Variants in SYNE2 observed in about 807,000 individuals in gnomAD.
SYNE2 encodes nesprin-2.
Under a neutral mutation model 856.3 loss-of-function variants are expected in SYNE2, and 431 were observed. The observed-to-expected ratio is 0.50, with a 90% confidence interval of 0.47 to 0.55. SYNE2 has a LOEUF of 0.55. Ranked by LOEUF, SYNE2 falls within the 20% of genes least tolerant of loss-of-function variation. SYNE2 has a pLI of 0.00. For missense variants in SYNE2, 8,129 were observed against 8,023.2 expected (o/e 1.01, Z -0.50); for synonymous variants, 2,923 against 2,872.3 (o/e 1.02, Z -0.56).
In SYNE2 at chr14:64,098,030, G is replaced by A. The variant is rs144164967; in HGVS notation, c.12190G>A (p.Val4064Ile). The change falls in exon 62 of 116, where the codon GTA becomes ATA. Residue 4064 changes from valine (V) to isoleucine (I), a missense_variant. Transcript: ENST00000555002. Reference protein sequence around the residue: ...EDLLVDLKATVLNLHQHLKQE... With the variant: ...EDLLVDLKATILNLHQHLKQE... ...CCTGTTGGTGGACTTGAAGGCCACCGTACTAAACCTTCACCAGCATTTGAA... is the reference window on the plus strand; with the variant it reads ...CCTGTTGGTGGACTTGAAGGCCACCATACTAAACCTTCACCAGCATTTGAA... 452 of 1,614,072 alleles carry A rather than the reference G, an allele frequency of 2.8e-4. 2 individuals carry two copies. The Admixed American group carries it at 3.3e-3, about 12-fold the overall frequency.
At chr14:63,975,667 A>G (rs78441070) in intron 11 of SYNE2, among the ~76,000 whole-genome samples, 2,976 of 152,178 alleles carry the variant, frequency 0.02, 92 homozygotes, top group African/African-American at 0.067. Context: ...TACCCTTCAG[A>G]TTATATGTTG....
At chr14:64,133,967 G>T in intron 77 of SYNE2, 102 bp from the exon 78 acceptor site, 1 of 1,391,182 alleles carries the variant, frequency 7.2e-7, no homozygotes, top group Non-Finnish European at 1.0e-6. Flanking sequence ...CTTTAATTTT[G>T]TATGGTCTTG....
chr14:64,132,265 GT>G lies in SYNE2; in HGVS notation c.14348del (p.Phe4783SerfsTer10). The G allele has an allele frequency of 1.2e-6, 2 of 1,613,100 alleles. No individual in the cohort carries two copies. Among genetic ancestry groups the G allele is most frequent in the South Asian group, 1.1e-5 (1 of 91,024 alleles). ...TATTAAAACTTTCTCCATCTCATAGGTTTTTTTCCAGAAGCTTGTTGCTGAC... is the reference window on the plus strand; with the variant it reads ...TATTAAAACTTTCTCCATCTCATAGGTTTTTTCCAGAAGCTTGTTGCTGAC... The part of the protein sequence containing the change: ...ALQAQIENHK[V>X]FFQKLVADML... On this transcript the variant is annotated frameshift_variant and splice_region_variant, in exon 77 of 116. Coordinates refer to ENST00000555002, the MANE Select transcript of SYNE2 (RefSeq NM_182914.3). LOFTEE classifies it high-confidence loss of function.
rs1203377020 is a variant in SYNE2, at chr14:64,215,360, C to T, written c.19402+6C>T. On this transcript the variant is annotated splice_donor_region_variant and intron_variant, in intron 107 of 115. Coordinates refer to ENST00000555002, the MANE Select transcript of SYNE2 (RefSeq NM_182914.3). ...AACTTTGAAAGCGTCTTCTGGTAGG[C>T]CCCCGCCCATGCATGTGTCAACATG... 2.5e-6 allele frequency: 4 copies of T among 1,613,706 alleles called. No homozygotes were observed. The highest frequency in any genetic ancestry group is 3.4e-6 in the Non-Finnish European group (4 of 1,179,886).
Position 64,021,473 on chromosome 14 carries a change from C to T in SYNE2, c.5310C>T (p.Ala1770=), listed in dbSNP as rs1245306266. The T allele has an allele frequency of 1.2e-6, 2 of 1,613,648 alleles. No homozygotes were observed. Among genetic ancestry groups the T allele is most frequent in the South Asian group, 1.1e-5 (1 of 91,050 alleles). The change falls in exon 36 of 116, where the codon GCC becomes GCT. Residue 1770 remains alanine, a synonymous_variant. Transcript: ENST00000555002. ...QIGMTESLLK[A]LSPSDSLEIF... is the part of the protein sequence containing the mutation. The stretch of plus-strand genomic sequence containing the variant: ...GGATGACTGAATCCCTCTTAAAAGC[C>T]CTGTCTCCTTCTGACAGCTTGGAGA...
chr14:64,188,005 A>T (rs991748073), intron 97 of SYNE2, among the ~76,000 whole-genome samples: 9 of 152,226 alleles, frequency 5.9e-5, no homozygotes, highest in Non-Finnish European at 1.0e-4. Context: ...AATCCAGTGC[A>T]TAACGGGCAA....
Position 64,177,457 on chromosome 14 carries a change from C to CTCT in SYNE2, c.17532_17533insTTC (p.Leu5844_His5845insPhe). The CTCT allele has an allele frequency of 6.2e-7, 1 of 1,614,132 alleles. No individual in the cohort carries two copies. The highest frequency in any genetic ancestry group is 8.5e-7 in the Non-Finnish European group (1 of 1,180,012). ...TCCTCTTCCAGAGCTTCACGAGGAC[C>CTCT]TCCATAACGAAAAAGAGCTGATTAA... On this transcript the variant is annotated inframe_insertion, in exon 96 of 116. Transcript: ENST00000555002.
intron 96 of SYNE2, among the ~76,000 whole-genome samples, chr14:64,183,766 A>G (rs960936420): frequency 1.3e-5 from 2 of 151,762 alleles, no homozygotes; most frequent in African/African-American, 4.8e-5. Flanking sequence ...AAATACGAAA[A>G]CCAGACAGAC....
intron 1 of SYNE2, among the ~76,000 whole-genome samples, chr14:63,894,266 G>A (rs142510885): frequency 3.3e-5 from 5 of 150,560 alleles, no homozygotes; most frequent in African/African-American, 7.3e-5. Context: ...TGCAGTGGAT[G>A]TGATCATAGG....
At chr14:64,030,107 G>C in intron 44 of SYNE2, 48 bp downstream of exon 44, 1 of 1,568,052 alleles carries the variant, frequency 6.4e-7, no homozygotes, top group Non-Finnish European at 8.8e-7. Context: ...AAAAAAATCA[G>C]TGTTAATTAC....
At chr14:64,105,404 A>G (rs1410068559) in intron 64 of SYNE2, among the ~76,000 whole-genome samples, 1 of 152,228 alleles carries the variant, frequency 6.6e-6, no homozygotes, top group Non-Finnish European at 1.5e-5. Flanking sequence ...TTCTGATAAC[A>G]GTCACTGTTT....
intron 45 of SYNE2, among the ~76,000 whole-genome samples, chr14:64,042,357 G>T (rs1343156287): frequency 6.6e-6 from 1 of 152,222 alleles, no homozygotes; most frequent in Non-Finnish European, 1.5e-5. Flanking sequence ...GAGAGGAAGA[G>T]ATGAAAAGGG....
At chr14:63,834,645 T>TC (rs1318411858) in intron 1 of SYNE2, among the ~76,000 whole-genome samples, 1 of 145,206 alleles carries the variant, frequency 6.9e-6, no homozygotes, top group Non-Finnish European at 1.5e-5. Context: ...TTTTCTTTCT[T>TC]TTTTTTTTTT....
chr14:63,827,301 A>G (rs977372110), intron 1 of SYNE2, among the ~76,000 whole-genome samples: 21 of 148,514 alleles, frequency 1.4e-4, no homozygotes, highest in African/African-American at 5.2e-4. Flanking sequence ...AATTATTGCA[A>G]CTCAACTACA....
intron 68 of SYNE2, among the ~76,000 whole-genome samples, chr14:64,121,388 TG>T (rs2097897292): frequency 6.6e-6 from 1 of 152,112 alleles, no homozygotes; most frequent in Non-Finnish European, 1.5e-5. Flanking sequence ...CCAGGCATGG[TG>T]GTGCAAGCCT....
chr14:63,954,945 T>C, intron 8 of SYNE2, 30 bp downstream of exon 8: 2 of 1,549,436 alleles, frequency 1.3e-6, no homozygotes, highest in Non-Finnish European at 1.8e-6. Context: ...TTTAAAACAA[T>C]CTTTAAGGCT....
chr14:63,887,171 T>C (rs143976612), intron 1 of SYNE2, among the ~76,000 whole-genome samples: 22 of 151,834 alleles, frequency 1.4e-4, no homozygotes, highest in East Asian at 9.8e-4. Flanking sequence ...GTCCCAGCTA[T>C]TGGGGAGGCT....
chr14:63,949,652 G>A (rs567466765), intron 6 of SYNE2, among the ~76,000 whole-genome samples, 173 bp from the exon 7 acceptor site: 6 of 152,298 alleles, frequency 3.9e-5, no homozygotes, highest in African/African-American at 1.4e-4. Flanking sequence ...AAGCAAAAGT[G>A]CAGCCCCCAT....
chr14:64,146,362 T>G lies in SYNE2; in HGVS notation c.15639+139T>G, dbSNP rs578076643. The G allele has an allele frequency of 1.1e-3, 889 of 774,626 alleles. 5 individuals carry two copies. Among genetic ancestry groups the G allele is most frequent in the Non-Finnish European group, 8.5e-4 (445 of 521,764 alleles). The allele number at this position is 774,626 out of a possible 1,614,324, so 48.0% of individuals were successfully genotyped here. A position where few individuals can be genotyped will look rare whatever the true frequency, so the allele number is the denominator to read the frequency against. ...TATTTACTTATTTTCTTATGTCAATTAGATAATGACCCATGGGTTTTACAA... is the reference window on the plus strand; with the variant it reads ...TATTTACTTATTTTCTTATGTCAATGAGATAATGACCCATGGGTTTTACAA... On this transcript the variant is annotated intron_variant, in intron 84 of 115. Coordinates refer to ENST00000555002, the MANE Select transcript of SYNE2 (RefSeq NM_182914.3).
Sources: gnomAD v4.1 joint callset for allele counts (sites outside exome capture counted in the v4.1 genomes callset) on GRCh38, gnomAD v4.1.1 for gene constraint, MANE v1.5 for transcripts, NCBI Gene and HGNC (gene_info 2026-07-23, HGNC 2026-07-21) for gene names.